Variants in SF3B1 observed in about 807,000 individuals in gnomAD.
The protein encoded by SF3B1 is splicing factor 3b subunit 1.
SF3B1 carries 12 observed loss-of-function variants against 153.8 expected under a neutral mutation model. That is an observed-to-expected ratio of 0.08 (90% CI 0.05 to 0.13). SF3B1 has a LOEUF of 0.13. Ranked by LOEUF, SF3B1 falls within the 10% of genes least tolerant of loss-of-function variation. The pLI is 1.00. For missense variants in SF3B1, 513 were observed against 1,606.1 expected, an observed-to-expected ratio of 0.32 and a Z score of 11.63; for synonymous variants, 498 against 525.2, an observed-to-expected ratio of 0.95 and a Z score of 0.71.
In SF3B1 at chr2:197,400,502, G is replaced by T. The variant is rs141229829; in HGVS notation, c.2719-68C>A. 2,001 of 1,360,214 alleles carry T rather than the reference G, an allele frequency of 1.5e-3. 17 individuals are homozygous for T. The highest frequency in any genetic ancestry group is 0.011 in the Admixed American group (468 of 43,770). The allele number at this position is 1,360,214 out of a possible 1,614,324, so 84.3% of individuals were successfully genotyped here. ...TGACTGCACAGTTGAAATACACTAA[G>T]AGTCAACCTTTTCTAACCACCCAAA... On this transcript the variant is annotated intron_variant, in intron 18 of 24. Transcript: ENST00000335508. This position sits in a 1 kb window ranked among gnomAD's most constrained non-coding sequence, Gnocchi z 5.0.
chr2:197,431,090 C>T (rs1484537205), intron 1 of SF3B1, among the ~76,000 whole-genome samples: 7 of 150,436 alleles, frequency 4.7e-5, no homozygotes, highest in African/African-American at 1.7e-4. Context: ...ATTTCCCCTC[C>T]TGTGCCTTTT....
Position 197,402,355 on chromosome 2 carries a change from C to A in SF3B1, c.2077+201G>T. On this transcript the variant is annotated intron_variant, in intron 14 of 24. Coordinates refer to ENST00000335508, the MANE Select transcript of SF3B1 (RefSeq NM_012433.4). The surrounding 1 kb of genome is among the most constrained non-coding windows in gnomAD (Gnocchi z 4.6). ...TAGAGCTATGCCTTTCCATTTATCT[C>A]CCCAAATCAGTAGCCCAAATTTTAG... 1 of 704,896 alleles carries A rather than the reference C, an allele frequency of 1.4e-6. No individual in the cohort carries two copies. Among genetic ancestry groups the A allele is most frequent in the Non-Finnish European group, 2.3e-6 (1 of 434,042 alleles). The allele number at this position is 704,896 out of a possible 1,614,324, so 43.7% of individuals were successfully genotyped here.
At chr2:197,428,658 T>A (rs2085372969) in intron 1 of SF3B1, among the ~76,000 whole-genome samples, 1 of 151,800 alleles carries the variant, frequency 6.6e-6, no homozygotes, top group Non-Finnish European at 1.5e-5. Flanking sequence ...CTTTGGGAAG[T>A]CAAGACAGTT....
intron 23 of SF3B1, 100 bp downstream of exon 23, chr2:197,395,956 A>T: frequency 9.5e-7 from 1 of 1,051,992 alleles, no homozygotes; most frequent in Admixed American, 2.4e-5. Flanking sequence ...TTTTTCTTTA[A>T]CTATGTTACA....
chr2:197,405,240 A>ACAATT, intron 10 of SF3B1, 35 bp downstream of exon 10: 1 of 1,596,354 alleles, frequency 6.3e-7, no homozygotes, highest in Non-Finnish European at 8.6e-7. Context: ...ATTCTGGAAC[A>ACAATT]CAATTAATAG....
Position 197,402,859 on chromosome 2 carries a change from G to A in SF3B1, c.1807-33C>T, listed in dbSNP as rs777729019. 2 of 1,612,330 alleles carry A rather than the reference G, an allele frequency of 1.2e-6. No homozygotes were observed. Among genetic ancestry groups the A allele is most frequent in the East Asian group, 2.2e-5 (1 of 44,876 alleles). On this transcript the variant is annotated intron_variant, in intron 13 of 24. Transcript: ENST00000335508. This position sits in a 1 kb window ranked among gnomAD's most constrained non-coding sequence, Gnocchi z 4.6. ...GTAAACAAAGAAAGGACAGTCATGA[G>A]TTGGTAATATTAATCTTCAACCATT...
At chr2:197,408,198 A>G (rs952201843) in intron 8 of SF3B1, 79 bp from the exon 9 acceptor site, 70 of 1,369,398 alleles carry the variant, frequency 5.1e-5, no homozygotes, top group Non-Finnish European at 6.5e-5. Flanking sequence ...AAGACAGTTA[A>G]GATCAATCCT....
At chr2:197,419,725 TA>T in intron 4 of SF3B1, 2 of 222,214 alleles carry the variant, frequency 9.0e-6, no homozygotes, top group African/African-American at 2.2e-5. Flanking sequence ...ATTATGCAAG[TA>T]AAAAAAGAAT....
In SF3B1 at chr2:197,401,104, G is replaced by A. The variant is rs748586448; in HGVS notation, c.2497-168C>T. Among the ~76,000 whole-genome samples, 6 of 152,094 alleles carry A rather than the reference G, an allele frequency of 3.9e-5. No individual in the cohort carries two copies. The highest frequency in any genetic ancestry group is 5.9e-5 in the Non-Finnish European group (4 of 68,004). On this transcript the variant is annotated intron_variant, in intron 17 of 24. Transcript: ENST00000335508. This position sits in a 1 kb window ranked among gnomAD's most constrained non-coding sequence, Gnocchi z 4.2. ...TTGAAGAGAAAAGTGACCAAACATC[G>A]AAAAATGAGTATAAGTTAACATGAT...
At position 197,416,919 on chromosome 2, in the gene SF3B1, A is replaced by G; in HGVS notation, c.496-8T>C. On this transcript the variant is annotated splice_polypyrimidine_tract_variant and splice_region_variant and intron_variant, in intron 5 of 24. Coordinates refer to ENST00000335508, the MANE Select transcript of SF3B1 (RefSeq NM_012433.4). The stretch of plus-strand genomic sequence containing the variant: ...CTGTTGCCTAATTTCTCGCTGAAAA[A>G]AACAGTGAGTATTTACCTTTAAAAT... 6.2e-7 allele frequency: 1 copy of G among 1,610,352 alleles called. No homozygotes were observed. Among genetic ancestry groups the G allele is most frequent in the Non-Finnish European group, 8.5e-7 (1 of 1,178,126 alleles).
intron 1 of SF3B1, among the ~76,000 whole-genome samples, chr2:197,426,306 T>C (rs1260385272): frequency 1.3e-5 from 2 of 151,988 alleles, no homozygotes; most frequent in Non-Finnish European, 2.9e-5. Flanking sequence ...TTTTCTTTTC[T>C]TTTTTTGAGG....
In SF3B1 at chr2:197,416,778, G is replaced by C; in HGVS notation, c.629C>G (p.Ala210Gly). 1 of 1,613,412 alleles carries C rather than the reference G, an allele frequency of 6.2e-7. No individual in the cohort carries two copies. The highest frequency in any genetic ancestry group is 8.5e-7 in the Non-Finnish European group (1 of 1,179,748). ...CCAACTTGATAGTTTTTTGGGAGTG[G>C]CACCAGGAGTCTGATCAGCTGTTTG... The part of the protein sequence containing the change: ...WDQTADQTPG[A>G]TPKKLSSWDQ... The change falls in exon 6 of 25, where the codon GCC (alanine) becomes GGC (glycine). Residue 210 changes from alanine to glycine, a missense_variant. By Grantham distance (60) the Ala-to-Gly change is moderately conservative (BLOSUM62 0). Coordinates refer to ENST00000335508, the MANE Select transcript of SF3B1 (RefSeq NM_012433.4).
intron 1 of SF3B1, among the ~76,000 whole-genome samples, chr2:197,429,783 C>T (rs79965518): frequency 7.6e-6 from 1 of 131,400 alleles, no homozygotes; most frequent in Non-Finnish European, 1.6e-5. Context: ...GACTCTGTCT[C>T]AAAAAAAAAA....
chr2:197,400,270 G>C lies in SF3B1; in HGVS notation c.2883C>G (p.Val961=), dbSNP rs2084924746. 1 of 1,613,774 alleles carries C rather than the reference G, an allele frequency of 6.2e-7. No homozygotes were observed. Among genetic ancestry groups the C allele is most frequent in the Admixed American group, 1.7e-5 (1 of 59,958 alleles). The change falls in exon 19 of 25, where the codon GTC becomes GTG. Residue 961 remains valine (V), a synonymous_variant. Coordinates refer to ENST00000335508, the MANE Select transcript of SF3B1 (RefSeq NM_012433.4). This position sits in a 1 kb window ranked among gnomAD's most constrained non-coding sequence, Gnocchi z 5.0. ...AADLISRTAV[V]MKTCQEEKLM... is the part of the protein sequence containing the mutation. ...AGTTTACCTCTTGACAAGTCTTCAT[G>C]ACAACAGCAGTTCGAGAAATCAAGT...
rs752548649 is a variant in SF3B1, at chr2:197,405,341, A to G, written c.1371T>C (p.Asn457=). Reference sequence around the variant, plus strand: ...ATGGAAGATTTCCAGATGGCTGGTCATTAACACTTTTCATAGTTCGATCTT... The same window carrying G: ...ATGGAAGATTTCCAGATGGCTGGTCGTTAACACTTTTCATAGTTCGATCTT... The part of the protein sequence containing the change: ...QTEDRTMKSV[N]DQPSGNLPFL... Residue 457 remains asparagine, a synonymous_variant, in exon 10 of 25, where the codon AAT becomes AAC. Transcript: ENST00000335508. 1.9e-6 allele frequency: 3 copies of G among 1,614,124 alleles called. No homozygotes were observed. The highest frequency in any genetic ancestry group is 2.5e-6 in the Non-Finnish European group (3 of 1,179,992).
Position 197,391,270 on chromosome 2 carries a change from C to T in SF3B1, c.*1033G>A, listed in dbSNP as rs963110528. ...ATTACTGAATACAAAGCTAAGCAAACCTAGACATTTTAGCTGCTGCCACTG... is the reference window on the plus strand; with the variant it reads ...ATTACTGAATACAAAGCTAAGCAAATCTAGACATTTTAGCTGCTGCCACTG... On this transcript the variant is annotated 3_prime_UTR_variant, in exon 25 of 25. Transcript: ENST00000335508. The T allele has an allele frequency of 7.2e-5, 11 of 152,136 alleles. No individual in the cohort carries two copies. The highest frequency in any genetic ancestry group is 2.7e-4 in the African/African-American group (11 of 41,418). 9.4% of individuals were successfully genotyped at this position (152,136 alleles called of 1,614,324 possible). A position where few individuals can be genotyped will look rare whatever the true frequency, so the allele number is the denominator to read the frequency against.
chr2:197,398,426 T>G (rs750988344), intron 21 of SF3B1, 35 bp downstream of exon 21: 10 of 1,609,378 alleles, frequency 6.2e-6, no homozygotes, highest in Non-Finnish European at 7.6e-6. Flanking sequence ...TGAAAATTGA[T>G]ACTGCTTATA....
At chr2:197,416,586 G>T in intron 6 of SF3B1, 155 bp downstream of exon 6, 3 of 605,774 alleles carry the variant, frequency 5.0e-6, no homozygotes, top group East Asian at 2.9e-5. Context: ...CTCTGATCTT[G>T]GATTTCAAGC....
chr2:197,423,295 G>A (rs1000520425), intron 2 of SF3B1, among the ~76,000 whole-genome samples: 6 of 151,466 alleles, frequency 4.0e-5, no homozygotes, highest in African/African-American at 1.2e-4. Context: ...GCTGAGGCAG[G>A]AGAATCACTT....
Sources: allele counts gnomAD v4.1 joint callset (sites outside exome capture counted in the v4.1 genomes callset), GRCh38; gene constraint gnomAD v4.1.1; non-coding constraint Gnocchi (gnomAD v3.1); transcripts MANE v1.5; gene names NCBI Gene and HGNC (gene_info 2026-07-23, HGNC 2026-07-21).